The following CHAF1A variants were observed in gnomAD, a reference collection of about 807,000 sequenced individuals.
CHAF1A encodes the protein chromatin assembly factor 1 subunit A.
A neutral mutation model predicts 93.2 loss-of-function variants in CHAF1A; 5 were observed. That is an observed-to-expected ratio of 0.05 (90% CI 0.03 to 0.11). CHAF1A has a LOEUF of 0.11. Ranked by LOEUF, CHAF1A falls within the 10% of genes least tolerant of loss-of-function variation. CHAF1A has a pLI of 1.00. For missense variants in CHAF1A, 1,102 were observed against 1,259.9 expected (o/e 0.87, Z 1.90); for synonymous variants, 504 against 510.3 (o/e 0.99, Z 0.17).
rs768787420 is a variant in CHAF1A, at chr19:4,409,552, G to A, written c.753G>A (p.Pro251=). The change falls in exon 3 of 15, where the codon CCG becomes CCA. Residue 251 remains proline (P), a synonymous_variant. Coordinates refer to ENST00000301280, the MANE Select transcript of CHAF1A (RefSeq NM_005483.3). ...AGGACATCTTGGCTGTGAGACCACCGCAAATCAAGTCCCTTCCAGCCACAC... is the reference window on the plus strand; with the variant it reads ...AGGACATCTTGGCTGTGAGACCACCACAAATCAAGTCCCTTCCAGCCACAC... ...VLQDILAVRP[P]QIKSLPATPQ... 111 of 1,613,918 alleles carry A rather than the reference G, an allele frequency of 6.9e-5. No individual in the cohort carries two copies. The South Asian group carries it at 1.0e-3, about 15-fold the overall frequency.
chr19:4,430,804 AACTTGGTATT>A, intron 11 of CHAF1A, 163 bp downstream of exon 11: 1 of 673,932 alleles, frequency 1.5e-6, no homozygotes, highest in Non-Finnish European at 2.5e-6. Flanking sequence ...GCTGGGCCTG[AACTTGGTATT>A]ACCTGGGAGG....
In CHAF1A at chr19:4,443,349, G is replaced by A. The variant is rs1031729699; in HGVS notation, c.*324G>A. ...GACCACCCGCCTGGCCACGTGCGCG[G>A]GCCCCTGGACCTAACGAGGCAGTGT... On this transcript the variant is annotated 3_prime_UTR_variant, in exon 15 of 15. Coordinates refer to ENST00000301280, the MANE Select transcript of CHAF1A (RefSeq NM_005483.3). 60 of 349,896 alleles carry A rather than the reference G, an allele frequency of 1.7e-4. No individual in the cohort carries two copies. The highest frequency in any genetic ancestry group is 3.7e-4 in the Admixed American group (9 of 24,638). The allele number at this position is 349,896 out of a possible 1,614,324, so 21.7% of individuals were successfully genotyped here.
chr19:4,411,900 C>G (rs572092380), intron 3 of CHAF1A, among the ~76,000 whole-genome samples: 2 of 151,926 alleles, frequency 1.3e-5, no homozygotes, highest in African/African-American at 4.8e-5. Flanking sequence ...CCGCTTGCCT[C>G]GGCCTCCCAA....
chr19:4,425,715 A>C (rs1974069310), intron 7 of CHAF1A, among the ~76,000 whole-genome samples: 1 of 152,176 alleles, frequency 6.6e-6, no homozygotes, highest in Admixed American at 6.6e-5. Flanking sequence ...GCACACATGC[A>C]TTCCTCTGGG....
chr19:4,409,225 C>G lies in CHAF1A; in HGVS notation c.426C>G (p.Pro142=). Residue 142 remains proline, a synonymous_variant, in exon 3 of 15, where the codon CCC becomes CCG. Transcript: ENST00000301280. The part of the protein sequence containing the change: ...DHNKLNSEAS[P]SREAINGQRE... ...ATAAACTAAATTCTGAAGCCTCTCCCTCCAGGGAGGCAATAAATGGCCAGC... is the reference window on the plus strand; with the variant it reads ...ATAAACTAAATTCTGAAGCCTCTCCGTCCAGGGAGGCAATAAATGGCCAGC... 2 of 1,614,190 alleles carry G rather than the reference C, an allele frequency of 1.2e-6. No homozygotes were observed. The highest frequency in any genetic ancestry group is 1.7e-6 in the Non-Finnish European group (2 of 1,180,038).
intron 6 of CHAF1A, 145 bp downstream of exon 6, chr19:4,423,540 G>T: frequency 7.0e-7 from 1 of 1,420,672 alleles, no homozygotes; most frequent in Non-Finnish European, 9.5e-7. Flanking sequence ...AGTCTGTCTA[G>T]ATGCGTTCTT....
At chr19:4,407,781 C>G (rs569466261) in intron 2 of CHAF1A, among the ~76,000 whole-genome samples, 11 of 152,100 alleles carry the variant, frequency 7.2e-5, no homozygotes, top group Admixed American at 3.3e-4. Flanking sequence ...AACCCTGTCT[C>G]TACTAAAAAT....
At chr19:4,410,442 G>A (rs1204084948) in intron 3 of CHAF1A, among the ~76,000 whole-genome samples, 1 of 150,082 alleles carries the variant, frequency 6.7e-6, no homozygotes, top group South Asian at 2.1e-4. Context: ...GTTCAGTGGC[G>A]TGATCTCGGC....
chr19:4,446,233 G>A (rs1252412462), downstream of CHAF1A: 27 of 1,577,928 alleles, frequency 1.7e-5, no homozygotes, highest in Non-Finnish European at 2.2e-5. Context: ...GTGGGGCCCA[G>A]GGCCCCCTAC....
intron 5 of CHAF1A, among the ~76,000 whole-genome samples, chr19:4,423,104 C>T (rs1293192661): frequency 6.6e-6 from 1 of 152,160 alleles, no homozygotes; most frequent in Non-Finnish European, 1.5e-5. Context: ...GCTAATTGTG[C>T]TCTGACTGGC....
chr19:4,445,203 C>T (rs997670175), downstream of CHAF1A: 2 of 386,168 alleles, frequency 5.2e-6, no homozygotes, highest in Admixed American at 4.1e-5. Flanking sequence ...GGAGATGCCA[C>T]GTGTGTCTGT....
At chr19:4,409,852 G>C in intron 3 of CHAF1A, 93 bp downstream of exon 3, 1 of 1,436,016 alleles carries the variant, frequency 7.0e-7, no homozygotes. Flanking sequence ...TTTTGTGGCA[G>C]AGTGAGCGGG....
At chr19:4,403,051 T>TTCG (rs1462904078) in intron 1 of CHAF1A, among the ~76,000 whole-genome samples, 3 of 152,234 alleles carry the variant, frequency 2.0e-5, no homozygotes, top group African/African-American at 7.2e-5. Context: ...TTTGCGTCAG[T>TTCG]TCGTCCCTCC....
intron 12 of CHAF1A, 88 bp downstream of exon 12, chr19:4,432,295 C>G: frequency 3.6e-6 from 5 of 1,407,812 alleles, no homozygotes; most frequent in Non-Finnish European, 4.7e-6. Context: ...CTAGTGGGTC[C>G]GTGATGCAAA....
chr19:4,442,283 G>A lies in CHAF1A; in HGVS notation c.2712G>A (p.Thr904=), dbSNP rs140147311. Residue 904 remains threonine (T), a synonymous_variant, in exon 14 of 15, where the codon ACG becomes ACA. Transcript: ENST00000301280. The part of the protein sequence containing the change: ...AEDMDGFQAD[T]EEEEEEEGDC... ...ACATGGACGGCTTCCAGGCAGACAC[G>A]GAGGAGGAGGAAGAGGAGGAGGGCG... The A allele has an allele frequency of 1.2e-3, 1,878 of 1,613,364 alleles. 29 individuals are homozygous for A. The African/African-American group carries it at 0.022, about 19-fold the overall frequency.
In CHAF1A at chr19:4,428,835, C is replaced by G. The variant is rs1448657925; in HGVS notation, c.1549C>G (p.Pro517Ala). The change falls in exon 8 of 15, where the codon CCC (proline) becomes GCC (alanine). Residue 517 changes from proline to alanine, a missense_variant. Physicochemically the swap from Pro to Ala is conservative, Grantham distance 27. Coordinates refer to ENST00000301280, the MANE Select transcript of CHAF1A (RefSeq NM_005483.3). ...CTTGAAAGACCTCAAAGGCCGGCAG[C>G]CCCTGAGGTCCGGACCCACGCACGT... ...SFLKDLKGRQ[P>A]LRSGPTHVST... is the part of the protein sequence containing the mutation. The G allele has an allele frequency of 6.2e-7, 1 of 1,613,832 alleles. No homozygotes were observed. Among genetic ancestry groups the G allele is most frequent in the Non-Finnish European group, 8.5e-7 (1 of 1,180,026 alleles).
At chr19:4,435,049 A>G (rs1447804602) in intron 13 of CHAF1A, among the ~76,000 whole-genome samples, 1 of 142,860 alleles carries the variant, frequency 7.0e-6, no homozygotes, top group African/African-American at 2.6e-5. Context: ...CTTACCACAC[A>G]GTGTTCGGAA....
chr19:4,415,381 G>A (rs73918232), intron 3 of CHAF1A, among the ~76,000 whole-genome samples: 3 of 152,296 alleles, frequency 2.0e-5, no homozygotes, highest in East Asian at 1.9e-4. Flanking sequence ...CACAGCAGAG[G>A]GGGGGCATTG....
downstream of CHAF1A, chr19:4,446,435 C>T (rs243388): frequency 9.4e-3 from 14,832 of 1,577,942 alleles, 96 homozygotes; most frequent in Non-Finnish European, 0.011. Context: ...GGCCAGGTCA[C>T]GAGGGCTGGC....
Sources: allele counts gnomAD v4.1 joint callset (sites outside exome capture counted in the v4.1 genomes callset), GRCh38; gene constraint gnomAD v4.1.1; transcripts MANE v1.5; gene names NCBI Gene and HGNC (gene_info 2026-07-23, HGNC 2026-07-21).